ST8SIA4: variants seen among roughly 807,000 people sequenced by gnomAD.
ST8SIA4 encodes the protein ST8 alpha-N-acetyl-neuraminide alpha-2,8-sialyltransferase 4, also known as CMP-N-acetylneuraminate-poly-alpha-2,8-sialyltransferase.
ST8SIA4 carries 15 observed loss-of-function variants against 33.9 expected under a neutral mutation model. The ratio of observed to expected loss-of-function variants is 0.44; its 90% CI spans 0.30 to 0.68. ST8SIA4 has a LOEUF of 0.68. ST8SIA4 is among the 30% of genes least tolerant of loss of function. ST8SIA4 has a pLI of 0.10. For missense variants in ST8SIA4, 321 were observed against 428.0 expected (o/e 0.75, Z 2.21); for synonymous variants, 171 against 151.2 (o/e 1.13, Z -0.96).
At chr5:100,833,612 G>A (rs1262641653) in intron 4 of ST8SIA4, among the ~76,000 whole-genome samples, 1 of 152,054 alleles carries the variant, frequency 6.6e-6, no homozygotes, top group East Asian at 1.9e-4. Flanking sequence ...TATGTCAAAA[G>A]GGTTGTTTAC....
chr5:100,851,306 G>A (rs1461997870), intron 4 of ST8SIA4, among the ~76,000 whole-genome samples: 1 of 151,502 alleles, frequency 6.6e-6, no homozygotes, highest in Non-Finnish European at 1.5e-5. Flanking sequence ...TATACTATTA[G>A]TTTATAAAAT....
chr5:100,837,037 T>C (rs1434873666), intron 4 of ST8SIA4, among the ~76,000 whole-genome samples: 1 of 145,754 alleles, frequency 6.9e-6, no homozygotes, highest in African/African-American at 2.7e-5. Context: ...CACACCGTAA[T>C]ACCTGAGGGA....
intron 4 of ST8SIA4, chr5:100,849,019 T>C: frequency 8.6e-6 from 6 of 698,838 alleles, no homozygotes; most frequent in Non-Finnish European, 1.1e-5. Flanking sequence ...TTGAAACATG[T>C]AAAGAATAAA....
chr5:100,832,348 A>G (rs1182621598), intron 4 of ST8SIA4, among the ~76,000 whole-genome samples: 1 of 151,816 alleles, frequency 6.6e-6, no homozygotes, highest in African/African-American at 2.4e-5. Context: ...TCAATTTCTA[A>G]AAAAAAATGA....
At position 100,807,389 on chromosome 5, in the gene ST8SIA4, T is replaced by C. The variant is rs1476104687; in HGVS notation, c.*4458A>G. The C allele has an allele frequency of 6.6e-6, 1 of 152,556 alleles. No homozygotes were observed. Among genetic ancestry groups the C allele is most frequent in the East Asian group, 1.9e-4 (1 of 5,200 alleles). The allele number at this position is 152,556 out of a possible 1,614,324, so 9.5% of individuals were successfully genotyped here. ...CAGTAGCAATTATTCTGTGCAGCAA[T>C]GCTATCTCTGTAAACTCTTTTTTTT... On this transcript the variant is annotated 3_prime_UTR_variant, in exon 5 of 5. Coordinates refer to ENST00000231461, the MANE Select transcript of ST8SIA4 (RefSeq NM_005668.6).
At chr5:100,816,801 C>G (rs890462726) in intron 4 of ST8SIA4, among the ~76,000 whole-genome samples, 1 of 152,146 alleles carries the variant, frequency 6.6e-6, no homozygotes. Flanking sequence ...TCCTCTATTT[C>G]TCCTCTCATA....
chr5:100,847,741 T>A (rs1374429471), intron 4 of ST8SIA4, among the ~76,000 whole-genome samples: 2 of 152,146 alleles, frequency 1.3e-5, no homozygotes, highest in Admixed American at 6.6e-5. Context: ...GATGAGAAGT[T>A]AGCTAGATAT....
intron 2 of ST8SIA4, among the ~76,000 whole-genome samples, chr5:100,895,337 T>C (rs1752757658): frequency 6.6e-6 from 1 of 152,032 alleles, no homozygotes; most frequent in Non-Finnish European, 1.5e-5. Flanking sequence ...TTAAAGATAA[T>C]TCTTAAAATA....
chr5:100,849,989 T>A (rs1751656568), intron 4 of ST8SIA4, among the ~76,000 whole-genome samples: 1 of 152,160 alleles, frequency 6.6e-6, no homozygotes, highest in African/African-American at 2.4e-5. Context: ...TATATTTTTT[T>A]AAGTATACAG....
intron 1 of ST8SIA4, among the ~76,000 whole-genome samples, chr5:100,899,495 T>TA (rs1251945671): frequency 6.6e-6 from 1 of 152,222 alleles, no homozygotes; most frequent in Non-Finnish European, 1.5e-5. Context: ...AATTTTATCA[T>TA]AGGTTTTAGA....
chr5:100,825,041 A>G (rs1751112389), intron 4 of ST8SIA4, among the ~76,000 whole-genome samples: 2 of 152,268 alleles, frequency 1.3e-5, no homozygotes, highest in South Asian at 2.1e-4. Flanking sequence ...AGCCTGGGTG[A>G]CAGTATGAGA....
At chr5:100,892,728 TA>T (rs1248073984) in intron 2 of ST8SIA4, among the ~76,000 whole-genome samples, 2 of 152,028 alleles carry the variant, frequency 1.3e-5, no homozygotes, top group African/African-American at 2.4e-5. Context: ...ATCAGTAAGA[TA>T]AAAAAATGGT....
intron 4 of ST8SIA4, among the ~76,000 whole-genome samples, chr5:100,826,936 C>A (rs1751160294): frequency 7.4e-6 from 1 of 134,368 alleles, no homozygotes; most frequent in African/African-American, 2.6e-5. Context: ...ATTCAGTTTT[C>A]TATTCAGATA....
rs146254672 is a variant in ST8SIA4, at chr5:100,889,627, T to A, written c.246-3027A>T. Among the ~76,000 whole-genome samples, 510 of 152,078 alleles carry A rather than the reference T, an allele frequency of 3.4e-3. 4 individuals are homozygous for A. Among genetic ancestry groups the A allele is most frequent in the African/African-American group, 0.011 (473 of 41,536 alleles). Reference sequence around the variant, plus strand: ...AGTTGCAAAAATAATGTAAAACATGTCTTTTAAGTTCCTGATTATAAGTAA... The same window carrying A: ...AGTTGCAAAAATAATGTAAAACATGACTTTTAAGTTCCTGATTATAAGTAA... On this transcript the variant is annotated intron_variant, in intron 2 of 4. Transcript: ENST00000231461.
chr5:100,872,875 T>TAA (rs550303574), intron 3 of ST8SIA4, among the ~76,000 whole-genome samples: 4,386 of 132,398 alleles, frequency 0.033, 92 homozygotes, highest in Middle Eastern at 0.052. Flanking sequence ...AGATATGGGC[T>TAA]AAAAAAAAAA....
chr5:100,901,321 T>C (rs530802817), intron 1 of ST8SIA4, among the ~76,000 whole-genome samples: 1 of 152,268 alleles, frequency 6.6e-6, no homozygotes, highest in East Asian at 1.9e-4. Context: ...CTTGGCCGCT[T>C]TGTCTGGGAT....
At position 100,859,956 on chromosome 5, in the gene ST8SIA4, T is replaced by C. The variant is rs73159986; in HGVS notation, c.504-3560A>G. Among the ~76,000 whole-genome samples, 716 of 152,284 alleles carry C rather than the reference T, an allele frequency of 4.7e-3. 3 individuals are homozygous for C. The highest frequency in any genetic ancestry group is 0.016 in the African/African-American group (645 of 41,584). On this transcript the variant is annotated intron_variant, in intron 3 of 4. Coordinates refer to ENST00000231461, the MANE Select transcript of ST8SIA4 (RefSeq NM_005668.6). ...CAGACTTTTTTTCTAGCTATTTAGT[T>C]ATTTATGTTATTTAACAATGACATA...
At chr5:100,857,658 T>G (rs1181264868) in intron 3 of ST8SIA4, among the ~76,000 whole-genome samples, 1 of 152,038 alleles carries the variant, frequency 6.6e-6, no homozygotes, top group Non-Finnish European at 1.5e-5. Flanking sequence ...TCACATTAAT[T>G]GAATTATTAA....
intron 4 of ST8SIA4, among the ~76,000 whole-genome samples, chr5:100,814,112 A>G (rs1209583705): frequency 6.6e-6 from 1 of 152,060 alleles, no homozygotes. Context: ...TCTACATGCA[A>G]TACAAATAAG....
Sources: gnomAD v4.1 joint callset for allele counts (sites outside exome capture counted in the v4.1 genomes callset) on GRCh38, gnomAD v4.1.1 for gene constraint, MANE v1.5 for transcripts, NCBI Gene and HGNC (gene_info 2026-07-23, HGNC 2026-07-21) for gene names.